MAGI3: variants seen among roughly 807,000 people sequenced by gnomAD.
MAGI3 encodes membrane-associated guanylate kinase, WW and PDZ domain-containing protein 3.
In MAGI3, 43 loss-of-function variants were observed where a neutral mutation model predicts 121.8. The ratio of observed to expected loss-of-function variants is 0.35; its 90% CI spans 0.28 to 0.46. The LOEUF (loss-of-function observed/expected upper bound fraction) is 0.46, where lower values mean the gene tolerates loss of function less well. MAGI3 is among the 20% of genes least tolerant of loss of function. The probability of loss-of-function intolerance (pLI) is 1.00; values close to 1 mark genes in which losing one functional copy is unlikely to be tolerated. For synonymous variants in MAGI3, 553 were observed against 639.3 expected (o/e 0.86, Z 2.04); for missense variants, 1,547 against 1,797.3 (o/e 0.86, Z 2.52).
At chr1:113,444,354 C>T (rs943317446) in intron 1 of MAGI3, among the ~76,000 whole-genome samples, 2 of 152,206 alleles carry the variant, frequency 1.3e-5, no homozygotes, top group Non-Finnish European at 2.9e-5. Flanking sequence ...CCCCCTTCAG[C>T]TGAAGTGATT....
At chr1:113,627,167 C>G (rs1280142997) in intron 9 of MAGI3, among the ~76,000 whole-genome samples, 1 of 151,698 alleles carries the variant, frequency 6.6e-6, no homozygotes, top group Non-Finnish European at 1.5e-5. Flanking sequence ...TTCCAATTTC[C>G]TTCTTAATTC....
chr1:113,432,542 T>A (rs1460749824), intron 1 of MAGI3, among the ~76,000 whole-genome samples: 1 of 152,134 alleles, frequency 6.6e-6, no homozygotes, highest in Non-Finnish European at 1.5e-5. Context: ...TTTTGTTATT[T>A]TTTTTTTAAA....
intron 2 of MAGI3, among the ~76,000 whole-genome samples, chr1:113,550,798 T>TA (rs1491054164): frequency 3.3e-5 from 5 of 150,588 alleles, no homozygotes; most frequent in East Asian, 1.9e-4. Flanking sequence ...TATATATATA[T>TA]TTTTACATGT....
chr1:113,535,496 A>T (rs1658930449), intron 1 of MAGI3, among the ~76,000 whole-genome samples: 1 of 152,162 alleles, frequency 6.6e-6, no homozygotes, highest in South Asian at 2.1e-4. Context: ...TTTAAACATT[A>T]TAAATCAGTA....
At chr1:113,533,562 G>C (rs1025841665) in intron 1 of MAGI3, among the ~76,000 whole-genome samples, 1 of 151,988 alleles carries the variant, frequency 6.6e-6, no homozygotes, top group Non-Finnish European at 1.5e-5. Context: ...TAACAAACCT[G>C]CACGTGTATC....
intron 1 of MAGI3, among the ~76,000 whole-genome samples, chr1:113,484,609 A>ATT (rs901649832): frequency 8.5e-5 from 12 of 141,860 alleles, no homozygotes; most frequent in African/African-American, 2.6e-4. Context: ...GCAGTGTTCT[A>ATT]TTATATATAT....
chr1:113,454,244 G>T (rs12045559), intron 1 of MAGI3, among the ~76,000 whole-genome samples: 23,558 of 152,002 alleles, frequency 0.15, 2,836 homozygotes, highest in East Asian at 0.63. Context: ...TAGTTTTCAG[G>T]GTCTTCTTCC....
chr1:113,491,859 A>G (rs1055319014), intron 1 of MAGI3, among the ~76,000 whole-genome samples: 1 of 152,194 alleles, frequency 6.6e-6, no homozygotes, highest in African/African-American at 2.4e-5. Context: ...ACAAGCTCTG[A>G]AATTGATTCA....
At chr1:113,438,825 G>A (rs1653770878) in intron 1 of MAGI3, among the ~76,000 whole-genome samples, 2 of 152,222 alleles carry the variant, frequency 1.3e-5, no homozygotes, top group South Asian at 4.1e-4. Context: ...TCTATCAGGT[G>A]CAGTAGCAGA....
intron 1 of MAGI3, among the ~76,000 whole-genome samples, chr1:113,484,500 T>G (rs1656256039): frequency 6.6e-6 from 1 of 152,176 alleles, no homozygotes; most frequent in Admixed American, 6.5e-5. Context: ...ACATACGATG[T>G]TTCGTTTTCC....
rs566020385 is a variant in MAGI3 at position 113,663,140 on chromosome 1, A to G, written c.2815+3875A>G. Among the ~76,000 whole-genome samples the G allele has an allele frequency of 2.9e-3, 441 of 151,850 alleles. 1 individual carries two copies. Among genetic ancestry groups the G allele is most frequent in the Non-Finnish European group, 2.8e-3 (193 of 67,930 alleles). ...CTCGGGAGGCTGAGGCAGGAGAATC[A>G]CTTGAACCCGGGAGGCAGAGGTTGC... is the stretch of plus-strand genomic sequence containing the variant. On this transcript the variant is annotated intron_variant, in intron 16 of 20. Coordinates refer to ENST00000307546, the MANE Select transcript of MAGI3 (RefSeq NM_001142782.2).
intron 1 of MAGI3, among the ~76,000 whole-genome samples, chr1:113,405,413 G>A (rs1034544715): frequency 7.0e-6 from 1 of 142,954 alleles, no homozygotes; most frequent in Non-Finnish European, 1.5e-5. Context: ...CAGGCAGGTC[G>A]AGGCTGCAGT....
intron 20 of MAGI3, chr1:113,682,157 C>A (rs1216775114): frequency 8.6e-6 from 10 of 1,157,184 alleles, no homozygotes; most frequent in African/African-American, 4.1e-5. Flanking sequence ...GCTAACTGCA[C>A]TGATTTTTTT....
At chr1:113,444,624 C>A (rs1261891631) in intron 1 of MAGI3, among the ~76,000 whole-genome samples, 1 of 152,008 alleles carries the variant, frequency 6.6e-6, no homozygotes, top group East Asian at 1.9e-4. Context: ...CCCAGCAAAC[C>A]CTGAGGAAAG....
chr1:113,410,018 G>C (rs1651893389), intron 1 of MAGI3, among the ~76,000 whole-genome samples: 1 of 152,088 alleles, frequency 6.6e-6, no homozygotes, highest in Admixed American at 6.6e-5. Flanking sequence ...GATGTTAGTG[G>C]TTCCTAGCCT....
chr1:113,598,999 C>G lies in MAGI3; in HGVS notation c.1018+4439C>G, dbSNP rs541083755. 7.9e-5 allele frequency among the ~76,000 whole-genome samples: 12 copies of G among 152,252 alleles called. No homozygotes were observed. The South Asian group carries it at 2.3e-3, about 29-fold the overall frequency. On this transcript the variant is annotated intron_variant, in intron 6 of 20. Coordinates refer to ENST00000307546, the MANE Select transcript of MAGI3 (RefSeq NM_001142782.2). ...TTAGTGCTATAAATTTCCCTCTGCA[C>G]ACTGCTTTGAATGTGTCCCAGAGAT... is the stretch of plus-strand genomic sequence containing the variant.
At chr1:113,671,654 T>G (rs1208139088) in intron 16 of MAGI3, 80 bp from the exon 17 acceptor site, 1 of 1,296,802 alleles carries the variant, frequency 7.7e-7, no homozygotes, top group African/African-American at 1.5e-5. Flanking sequence ...CATCTGTTAT[T>G]GTCTCACCTT....
At chr1:113,570,297 G>A (rs957568773) in intron 2 of MAGI3, among the ~76,000 whole-genome samples, 7 of 152,090 alleles carry the variant, frequency 4.6e-5, no homozygotes, top group African/African-American at 1.4e-4. Context: ...ATCATTGATG[G>A]GCACTTGGGT....
chr1:113,505,067 G>T (rs764726425), intron 1 of MAGI3, among the ~76,000 whole-genome samples: 13 of 152,094 alleles, frequency 8.5e-5, no homozygotes, highest in Non-Finnish European at 1.9e-4. Context: ...CAAAAGAGAA[G>T]AATTCATACT....
Sources: gnomAD v4.1 joint callset for allele counts (sites outside exome capture counted in the v4.1 genomes callset) on GRCh38, gnomAD v4.1.1 for gene constraint, MANE v1.5 for transcripts, NCBI Gene and HGNC (gene_info 2026-07-23, HGNC 2026-07-21) for gene names.